The following ARHGEF3 variants were observed in gnomAD, a reference collection of about 807,000 sequenced individuals.
ARHGEF3 encodes the protein 59.8 kDA protein.
In ARHGEF3, 28 loss-of-function variants were observed where a neutral mutation model predicts 63.2. That is an observed-to-expected ratio of 0.44 (90% CI 0.33 to 0.61). The LOEUF is 0.61. Ranked by LOEUF, ARHGEF3 falls within the 20% of genes least tolerant of loss-of-function variation. The pLI is 0.03. For synonymous variants in ARHGEF3, 266 were observed against 254.2 expected (o/e 1.05, Z -0.44); for missense variants, 533 against 659.3 (o/e 0.81, Z 2.10).
intron 7 of ARHGEF3, among the ~76,000 whole-genome samples, chr3:56,744,397 C>CT (rs34368516): frequency 1.4e-3 from 175 of 124,456 alleles, no homozygotes; most frequent in Admixed American, 3.2e-3. Context: ...CTCAATAAAC[C>CT]TTTTTTTTTT....
At chr3:56,822,788 C>T (rs531789245) in intron 4 of ARHGEF3, among the ~76,000 whole-genome samples, 6 of 143,422 alleles carry the variant, frequency 4.2e-5, no homozygotes, top group African/African-American at 1.6e-4. Flanking sequence ...TGGAAGGTGG[C>T]GGTTGCAGTG....
chr3:56,779,041 T>C (rs1341822736), intron 1 of ARHGEF3, among the ~76,000 whole-genome samples: 1 of 152,096 alleles, frequency 6.6e-6, no homozygotes, highest in African/African-American at 2.4e-5. Flanking sequence ...TCCCAGGCAC[T>C]GCACTCTCCC....
At chr3:56,968,351 T>A in intron 2 of ARHGEF3, among the ~76,000 whole-genome samples, 1 of 68,318 alleles carries the variant, frequency 1.5e-5, no homozygotes, top group African/African-American at 4.5e-5. Context: ...AATATATATA[T>A]TTTTTGAGAC....
intron 4 of ARHGEF3, among the ~76,000 whole-genome samples, chr3:56,859,136 T>G (rs866744094): frequency 3.3e-5 from 5 of 152,100 alleles, no homozygotes; most frequent in African/African-American, 1.2e-4. Flanking sequence ...CATAGAAGAA[T>G]AGACTTTAAG....
At chr3:56,900,858 C>G (rs2041482056) in intron 3 of ARHGEF3, among the ~76,000 whole-genome samples, 1 of 152,118 alleles carries the variant, frequency 6.6e-6, no homozygotes, top group Non-Finnish European at 1.5e-5. Context: ...TTTTTTAAGG[C>G]CATTGAACTA....
In ARHGEF3 at chr3:56,837,149, C is replaced by T. The variant is rs116747653; in HGVS notation, c.192+45143G>A. Among the ~76,000 whole-genome samples the T allele has an allele frequency of 4.9e-3, 740 of 152,164 alleles. 8 individuals are homozygous for T. Among genetic ancestry groups the T allele is most frequent in the African/African-American group, 0.016 (658 of 41,512 alleles). ...GAGTCAGGATCAGAGTCAGGAGGTT[C>T]AGAAAATGTATTTTTAGCTTTTGCA... On this transcript the variant is annotated intron_variant, in intron 4 of 12. Coordinates refer to the ARHGEF3 transcript ENST00000338458.
intron 1 of ARHGEF3, among the ~76,000 whole-genome samples, chr3:56,777,388 A>G (rs989589747): frequency 6.6e-6 from 1 of 152,258 alleles, no homozygotes; most frequent in Non-Finnish European, 1.5e-5. Flanking sequence ...TGATTTGACA[A>G]TTTAAAATAT....
At chr3:56,899,280 G>C (rs555172334) in intron 3 of ARHGEF3, among the ~76,000 whole-genome samples, 1 of 152,306 alleles carries the variant, frequency 6.6e-6, no homozygotes, top group South Asian at 2.1e-4. Flanking sequence ...CATATGGGTG[G>C]GGCACCGGGA....
At chr3:57,021,570 T>C (rs1242004150) in intron 2 of ARHGEF3, among the ~76,000 whole-genome samples, 1 of 151,986 alleles carries the variant, frequency 6.6e-6, no homozygotes, top group Non-Finnish European at 1.5e-5. Flanking sequence ...TTGGCCAACA[T>C]GGTGAAACCC....
chr3:56,779,213 T>C (rs757758000), intron 1 of ARHGEF3, among the ~76,000 whole-genome samples: 1 of 152,200 alleles, frequency 6.6e-6, no homozygotes. Context: ...TTTATTCTCT[T>C]AACTTTCTAA....
chr3:56,992,986 G>A lies in ARHGEF3; in HGVS notation c.63-34097C>T, dbSNP rs185452113. Among the ~76,000 whole-genome samples the A allele has an allele frequency of 1.2e-3, 182 of 152,004 alleles. 1 individual carries two copies. The highest frequency in any genetic ancestry group is 4.1e-3 in the African/African-American group (170 of 41,474). ...GTAGCTGGGATTACAGCTGCATGCCGCCATGCCTGGCTGATTTTTGTATTT... is the reference window on the plus strand; with the variant it reads ...GTAGCTGGGATTACAGCTGCATGCCACCATGCCTGGCTGATTTTTGTATTT... On this transcript the variant is annotated intron_variant, in intron 2 of 12. Transcript: ENST00000338458.
chr3:56,867,457 CTATT>C (rs36136849), intron 4 of ARHGEF3, among the ~76,000 whole-genome samples: 65,207 of 149,544 alleles, frequency 0.44, 14,300 homozygotes, highest in East Asian at 0.64. Context: ...AGTTAAAATG[CTATT>C]TATTTATTTA....
chr3:56,749,776 C>G (rs1478698726), intron 6 of ARHGEF3, among the ~76,000 whole-genome samples: 1 of 152,100 alleles, frequency 6.6e-6, no homozygotes, highest in East Asian at 1.9e-4. Context: ...CTTTCGGATA[C>G]CTTTGGGATA....
chr3:56,893,829 A>C (rs2041206802), intron 3 of ARHGEF3, among the ~76,000 whole-genome samples: 1 of 21,398 alleles, frequency 4.7e-5, no homozygotes, highest in East Asian at 8.8e-3. Flanking sequence ...AAAAAAAAAA[A>C]AAAAAAAAAA....
At chr3:57,014,001 C>T (rs759801003) in intron 2 of ARHGEF3, among the ~76,000 whole-genome samples, 6 of 152,226 alleles carry the variant, frequency 3.9e-5, no homozygotes, top group Non-Finnish European at 5.9e-5. Flanking sequence ...GCTGCTCACT[C>T]TTTGGATCTG....
chr3:56,783,954 A>G (rs1213509369), intron 1 of ARHGEF3, among the ~76,000 whole-genome samples: 1 of 152,204 alleles, frequency 6.6e-6, no homozygotes, highest in Non-Finnish European at 1.5e-5. Context: ...ACAGGATGTT[A>G]CTATTACTTA....
chr3:57,067,676 A>C (rs1019640834), intron 1 of ARHGEF3, among the ~76,000 whole-genome samples: 2 of 150,476 alleles, frequency 1.3e-5, no homozygotes. Context: ...CTCTACAAAA[A>C]ATTTAAAAAA....
At chr3:56,757,725 C>T (rs2035159564) in intron 2 of ARHGEF3, among the ~76,000 whole-genome samples, 1 of 146,202 alleles carries the variant, frequency 6.8e-6, no homozygotes. Flanking sequence ...TATTTTTAGC[C>T]TTTTTTTTTT....
intron 2 of ARHGEF3, among the ~76,000 whole-genome samples, chr3:57,000,264 G>T (rs563749780): frequency 1.5e-4 from 23 of 151,450 alleles, no homozygotes; most frequent in African/African-American, 5.4e-4. Context: ...ACAATAACCA[G>T]TGAGAGGCAG....
Sources: allele counts gnomAD v4.1 joint callset (sites outside exome capture counted in the v4.1 genomes callset), GRCh38; gene constraint gnomAD v4.1.1; transcripts MANE v1.5; gene names NCBI Gene and HGNC (gene_info 2026-07-23, HGNC 2026-07-21).